The following NRXN1 variants were observed in gnomAD, a reference collection of about 807,000 sequenced individuals.
NRXN1 encodes neurexin 1, also known as neurexin-1.
Under a neutral mutation model 150.9 loss-of-function variants are expected in NRXN1, and 39 were observed. The ratio of observed to expected loss-of-function variants is 0.26; its 90% CI spans 0.20 to 0.34. NRXN1 has a LOEUF of 0.34. Ranked by LOEUF, NRXN1 falls within the 10% of genes least tolerant of loss-of-function variation. The pLI is 1.00. For missense variants in NRXN1, 1,815 were observed against 1,949.9 expected (o/e 0.93, Z 1.30); for synonymous variants, 924 against 757.0 (o/e 1.22, Z -3.62).
intron 18 of NRXN1, among the ~76,000 whole-genome samples, chr2:50,222,924 T>C (rs574757592): frequency 3.3e-5 from 5 of 151,996 alleles, no homozygotes; most frequent in Non-Finnish European, 7.4e-5. Flanking sequence ...GTATATTATA[T>C]GCTGTTTTTA....
chr2:50,336,704 A>G (rs1369952094), intron 17 of NRXN1, among the ~76,000 whole-genome samples: 1 of 152,158 alleles, frequency 6.6e-6, no homozygotes, highest in East Asian at 1.9e-4. Flanking sequence ...AAAGTAGTTA[A>G]TAAACATTAA....
chr2:50,949,155 A>G (rs369952913), intron 2 of NRXN1, among the ~76,000 whole-genome samples: 2 of 152,054 alleles, frequency 1.3e-5, no homozygotes, highest in East Asian at 1.9e-4. Flanking sequence ...ATTTTGTCCA[A>G]TTCACTTAAA....
intron 5 of NRXN1, among the ~76,000 whole-genome samples, chr2:50,635,063 C>T (rs1397566386): frequency 6.6e-6 from 1 of 152,152 alleles, no homozygotes; most frequent in African/African-American, 2.4e-5. Flanking sequence ...TGAGTAATAC[C>T]GGCTAGGTGG....
At chr2:50,328,185 C>T (rs1163051497) in intron 17 of NRXN1, among the ~76,000 whole-genome samples, 2 of 151,940 alleles carry the variant, frequency 1.3e-5, no homozygotes, top group Non-Finnish European at 2.9e-5. Context: ...CGTAAACTTC[C>T]TTAAAACATG....
At chr2:50,974,831 C>T (rs1056394562) in intron 2 of NRXN1, among the ~76,000 whole-genome samples, 1 of 152,108 alleles carries the variant, frequency 6.6e-6, no homozygotes, top group African/African-American at 2.4e-5. Context: ...TACCCACACA[C>T]TCCCACGACT....
chr2:49,935,906 G>T (rs1006704446), intron 22 of NRXN1, among the ~76,000 whole-genome samples: 1 of 152,146 alleles, frequency 6.6e-6, no homozygotes, highest in African/African-American at 2.4e-5. Flanking sequence ...CCTTCAAGGT[G>T]GTTAAATATT....
chr2:50,220,472 G>T (rs977401048), intron 18 of NRXN1, among the ~76,000 whole-genome samples: 1 of 151,898 alleles, frequency 6.6e-6, no homozygotes, highest in African/African-American at 2.4e-5. Context: ...AATTGATATT[G>T]CATTAGAACA....
At chr2:50,988,842 CT>C (rs919991767) in intron 2 of NRXN1, among the ~76,000 whole-genome samples, 21 of 151,878 alleles carry the variant, frequency 1.4e-4, no homozygotes, top group African/African-American at 5.1e-4. Context: ...TTCAGTTTTC[CT>C]TTATGCAAAA....
intron 18 of NRXN1, among the ~76,000 whole-genome samples, chr2:50,166,279 ATGTGTGTG>A (rs70946894): frequency 0.052 from 6,844 of 131,660 alleles, 197 homozygotes; most frequent in Middle Eastern, 0.094. Flanking sequence ...TACTCAACGT[ATGTGTGTG>A]TGTGTGTGTG....
intron 21 of NRXN1, among the ~76,000 whole-genome samples, chr2:50,024,469 A>G (rs148622053): frequency 1.3e-5 from 2 of 152,300 alleles, no homozygotes; most frequent in East Asian, 3.9e-4. Flanking sequence ...GTGCTATCTT[A>G]TAGGAGAAAG....
In NRXN1 at chr2:50,886,530, G is replaced by A. The variant is rs570561721; in HGVS notation, c.832+35339C>T. Among the ~76,000 whole-genome samples the A allele has an allele frequency of 5.3e-5, 8 of 151,548 alleles. No individual in the cohort carries two copies. The South Asian group carries it at 1.2e-3, about 24-fold the overall frequency. ...AATTAGACAATCTCATAAGATTTGAGATGTAGAAGATTACAAACAAAAAAT... is the reference window on the plus strand; with the variant it reads ...AATTAGACAATCTCATAAGATTTGAAATGTAGAAGATTACAAACAAAAAAT... On this transcript the variant is annotated intron_variant, in intron 5 of 22. Coordinates refer to ENST00000401669, the MANE Select transcript of NRXN1 (RefSeq NM_001330078.2).
At chr2:50,504,404 A>G (rs925776234) in intron 13 of NRXN1, among the ~76,000 whole-genome samples, 1 of 152,164 alleles carries the variant, frequency 6.6e-6, no homozygotes, top group South Asian at 2.1e-4. Flanking sequence ...CTTACCCTCA[A>G]CTGGCTAAGA....
chr2:50,157,403 T>G, intron 18 of NRXN1, among the ~76,000 whole-genome samples: 1 of 152,080 alleles, frequency 6.6e-6, no homozygotes, highest in East Asian at 1.9e-4. Flanking sequence ...TATTTACATA[T>G]GAAATTATGT....
chr2:50,646,842 C>A (rs1231333330), intron 5 of NRXN1, among the ~76,000 whole-genome samples: 1 of 150,022 alleles, frequency 6.7e-6, no homozygotes, highest in African/African-American at 2.4e-5. Context: ...ATGCCCATTA[C>A]TATACAACTC....
At chr2:50,674,240 T>C (rs997988085) in intron 5 of NRXN1, among the ~76,000 whole-genome samples, 3 of 152,080 alleles carry the variant, frequency 2.0e-5, no homozygotes, top group African/African-American at 7.2e-5. Flanking sequence ...GAAAGAAAAG[T>C]CATTCTCGTT....
At chr2:50,293,601 A>C (rs1462558108) in intron 17 of NRXN1, among the ~76,000 whole-genome samples, 1 of 152,132 alleles carries the variant, frequency 6.6e-6, no homozygotes, top group Non-Finnish European at 1.5e-5. Flanking sequence ...CTCAAGTAGA[A>C]CTTTTCTTAG....
intron 17 of NRXN1, among the ~76,000 whole-genome samples, chr2:50,313,923 T>C (rs992677020): frequency 6.6e-6 from 1 of 152,114 alleles, no homozygotes; most frequent in Non-Finnish European, 1.5e-5. Context: ...GCTGTAAATA[T>C]ATTAGCATAT....
intron 19 of NRXN1, among the ~76,000 whole-genome samples, chr2:50,058,800 T>C (rs1694043127): frequency 6.6e-6 from 1 of 152,112 alleles, no homozygotes. Context: ...TAAATGGCAG[T>C]TCCCCTGCAG....
chr2:50,305,430 C>T (rs762959445), intron 17 of NRXN1, among the ~76,000 whole-genome samples: 1 of 151,976 alleles, frequency 6.6e-6, no homozygotes, highest in Non-Finnish European at 1.5e-5. Flanking sequence ...CTTGTAATTC[C>T]AATGATGATC....
Sources: allele counts gnomAD v4.1 joint callset (sites outside exome capture counted in the v4.1 genomes callset), GRCh38; gene constraint gnomAD v4.1.1; transcripts MANE v1.5; gene names NCBI Gene and HGNC (gene_info 2026-07-23, HGNC 2026-07-21).